Variants in ANKRD44 observed in about 807,000 individuals in gnomAD.
ANKRD44 encodes the protein ankyrin repeat domain 44, also known as serine/threonine-protein phosphatase 6 regulatory ankyrin repeat subunit B.
A neutral mutation model predicts 116.0 loss-of-function variants in ANKRD44; 35 were observed. That is an observed-to-expected ratio of 0.30 (90% CI 0.23 to 0.40). ANKRD44 has a LOEUF of 0.40. ANKRD44 is among the 10% of genes least tolerant of loss of function. The pLI is 1.00. For synonymous variants in ANKRD44, 435 were observed against 461.8 expected (o/e 0.94, Z 0.74); for missense variants, 1,014 against 1,242.6 (o/e 0.82, Z 2.77).
rs748426820 is a variant in ANKRD44, at chr2:197,126,056, T to C, written c.262-19A>G. The C allele has an allele frequency of 6.2e-7, 1 of 1,613,768 alleles. No individual in the cohort carries two copies. Among genetic ancestry groups the C allele is most frequent in the Non-Finnish European group, 8.5e-7 (1 of 1,179,684 alleles). ...CTGCTTCCTACAACAAAAGCAGAGT[T>C]TGCAGAGGTCACTGACAGACGTTCA... On this transcript the variant is annotated intron_variant, in intron 4 of 27. Transcript: ENST00000282272.
intron 16 of ANKRD44, among the ~76,000 whole-genome samples, chr2:197,033,936 TTCTC>T (rs2076757152): frequency 6.6e-6 from 1 of 152,154 alleles, no homozygotes; most frequent in Admixed American, 6.5e-5. Context: ...GAATTAACTT[TTCTC>T]TCTAATTTAA....
Position 197,271,847 on chromosome 2 carries a change from C to T in ANKRD44, c.27+38731G>A, listed in dbSNP as rs536710897. Among the ~76,000 whole-genome samples, 9 of 152,308 alleles carry T rather than the reference C, an allele frequency of 5.9e-5. No homozygotes were observed. The South Asian group carries it at 1.7e-3, about 28-fold the overall frequency. ...GAACTCCTGGGCTCAAGCGATCTGC[C>T]TGCCTTGGCCTCCCAAAGTGCTGGG... On this transcript the variant is annotated intron_variant, in intron 1 of 27. Transcript: ENST00000282272.
chr2:197,003,300 T>C (rs2076146717), intron 21 of ANKRD44, among the ~76,000 whole-genome samples: 1 of 151,726 alleles, frequency 6.6e-6, no homozygotes, highest in East Asian at 1.9e-4. Flanking sequence ...TAAGACTCCA[T>C]ACACCCCTAG....
rs574105239 is a variant in ANKRD44, at chr2:197,151,649, G to A, written c.112-4544C>T. Among the ~76,000 whole-genome samples, 2 of 152,298 alleles carry A rather than the reference G, an allele frequency of 1.3e-5. 1 individual carries two copies. Among genetic ancestry groups the A allele is most frequent in the South Asian group, 4.1e-4 (2 of 4,822 alleles). ...ATCATTTATTCAGCCATATTATCTA[G>A]ACATAGATATTTATTTAGAATCTAT... On this transcript the variant is annotated intron_variant, in intron 2 of 27. Coordinates refer to ENST00000282272, the MANE Select transcript of ANKRD44 (RefSeq NM_001195144.2).
intron 1 of ANKRD44, among the ~76,000 whole-genome samples, chr2:197,198,569 A>G (rs1221760728): frequency 6.6e-6 from 1 of 152,074 alleles, no homozygotes; most frequent in Non-Finnish European, 1.5e-5. Context: ...AGGCAGGTGG[A>G]TCACCTGAGG....
chr2:197,215,656 C>T (rs2697300), intron 1 of ANKRD44, among the ~76,000 whole-genome samples: 33,543 of 151,898 alleles, frequency 0.22, 3,859 homozygotes, highest in African/African-American at 0.27. Context: ...CTTGATCGAC[C>T]GAGTATCTGA....
At chr2:197,015,741 AG>A (rs1574279831) in intron 17 of ANKRD44, 1 of 496,834 alleles carries the variant, frequency 2.0e-6, no homozygotes, top group East Asian at 4.0e-5. Flanking sequence ...CTAGTGGTAG[AG>A]GGGGCTATGG....
chr2:197,272,060 A>C (rs947793642), intron 1 of ANKRD44, among the ~76,000 whole-genome samples: 5 of 152,196 alleles, frequency 3.3e-5, no homozygotes, highest in African/African-American at 1.2e-4. Flanking sequence ...AACTGCAGAG[A>C]GCTGGCTAGC....
chr2:197,235,418 C>T (rs1260748999), intron 1 of ANKRD44, among the ~76,000 whole-genome samples: 1 of 151,976 alleles, frequency 6.6e-6, no homozygotes, highest in African/African-American at 2.4e-5. Flanking sequence ...GAGTTTGAGA[C>T]CAGCCTGGCC....
chr2:197,188,574 A>G (rs2080744682), intron 1 of ANKRD44, among the ~76,000 whole-genome samples: 1 of 152,238 alleles, frequency 6.6e-6, no homozygotes, highest in Non-Finnish European at 1.5e-5. Context: ...GAGCATGATC[A>G]TCGCTGCCTA....
chr2:197,037,627 T>C (rs1457272937), intron 16 of ANKRD44, among the ~76,000 whole-genome samples: 1 of 152,338 alleles, frequency 6.6e-6, no homozygotes, highest in East Asian at 1.9e-4. Flanking sequence ...ATATTTTGGA[T>C]AGATTTTCCC....
intron 2 of ANKRD44, among the ~76,000 whole-genome samples, chr2:197,154,712 A>G (rs1384430483): frequency 6.6e-6 from 1 of 152,212 alleles, no homozygotes; most frequent in East Asian, 1.9e-4. Flanking sequence ...AGTTACCATA[A>G]GAGAAAAATT....
chr2:197,007,765 TA>T (rs1191162353), intron 20 of ANKRD44, 40 bp downstream of exon 20: 4 of 1,314,566 alleles, frequency 3.0e-6, no homozygotes, highest in Middle Eastern at 1.8e-4. Flanking sequence ...ACAAGCTCAT[TA>T]AAAAAATTGC....
chr2:197,308,853 G>A (rs2084154508), intron 1 of ANKRD44, among the ~76,000 whole-genome samples: 1 of 152,146 alleles, frequency 6.6e-6, no homozygotes, highest in Non-Finnish European at 1.5e-5. Flanking sequence ...TGAGATGATG[G>A]AGCTATCCTA....
chr2:196,989,416 T>C lies in ANKRD44; in HGVS notation c.*175A>G. The C allele has an allele frequency of 8.1e-7, 1 of 1,228,974 alleles. No homozygotes were observed. The allele number at this position is 1,228,974 out of a possible 1,614,324, so 76.1% of individuals were successfully genotyped here. On this transcript the variant is annotated 3_prime_UTR_variant, in exon 28 of 28. Transcript: ENST00000282272. The stretch of plus-strand genomic sequence containing the variant: ...ACATTTAACTCCATAAAAAAGCTAC[T>C]TCAGTTCTCACTTGCATTTTGAAGG...
intron 1 of ANKRD44, among the ~76,000 whole-genome samples, chr2:197,294,993 T>G (rs1335694790): frequency 6.6e-6 from 1 of 152,172 alleles, no homozygotes; most frequent in Non-Finnish European, 1.5e-5. Flanking sequence ...ATTTAAAATA[T>G]AAACATATGG....
chr2:197,074,432 C>T (rs2077622753), intron 16 of ANKRD44, among the ~76,000 whole-genome samples: 1 of 151,986 alleles, frequency 6.6e-6, no homozygotes, highest in South Asian at 2.1e-4. Context: ...TACCTGCTTT[C>T]TTAGTCTTGA....
intron 1 of ANKRD44, among the ~76,000 whole-genome samples, chr2:197,240,053 A>G (rs928143395): frequency 1.3e-5 from 2 of 152,142 alleles, no homozygotes; most frequent in Non-Finnish European, 2.9e-5. Flanking sequence ...ATGTTTATAG[A>G]AGAAAATCTA....
intron 1 of ANKRD44, among the ~76,000 whole-genome samples, chr2:197,274,005 A>G (rs1223423893): frequency 1.1e-5 from 1 of 89,712 alleles, no homozygotes; most frequent in Non-Finnish European, 2.2e-5. Flanking sequence ...ATATATATAT[A>G]TATATATATA....
Sources: allele counts gnomAD v4.1 joint callset (sites outside exome capture counted in the v4.1 genomes callset), GRCh38; gene constraint gnomAD v4.1.1; transcripts MANE v1.5; gene names NCBI Gene and HGNC (gene_info 2026-07-23, HGNC 2026-07-21).